The following AGBL4 variants were observed in gnomAD, a reference collection of about 807,000 sequenced individuals.
AGBL4 encodes the protein cytosolic carboxypeptidase 6.
In AGBL4, 58 loss-of-function variants were observed where a neutral mutation model predicts 66.4. The ratio of observed to expected loss-of-function variants is 0.87; its 90% CI spans 0.71 to 1.09. AGBL4 has a LOEUF of 1.09. AGBL4 is among the 50% of genes least tolerant of loss of function. AGBL4 has a pLI of 0.00. For synonymous variants in AGBL4, 234 were observed against 222.9 expected, an observed-to-expected ratio of 1.05 and a Z score of -0.44; for missense variants, 579 against 631.0, an observed-to-expected ratio of 0.92 and a Z score of 0.88.
At chr1:49,842,000 C>T in intron 2 of AGBL4, 3 of 461,236 alleles carry the variant, frequency 6.5e-6, no homozygotes, top group East Asian at 5.1e-5. Flanking sequence ...TCCTCACACC[C>T]GGCCTCCTCT....
chr1:49,378,386 A>G (rs1004715492), intron 3 of AGBL4, among the ~76,000 whole-genome samples: 5 of 152,118 alleles, frequency 3.3e-5, no homozygotes, highest in Non-Finnish European at 5.9e-5. Context: ...TCTAAAAAGT[A>G]TAAATAATAG....
At chr1:49,574,675 G>T (rs1218867380) in intron 3 of AGBL4, among the ~76,000 whole-genome samples, 2 of 152,008 alleles carry the variant, frequency 1.3e-5, no homozygotes, top group Admixed American at 6.6e-5. Context: ...AATACAATGG[G>T]AATAATTGGA....
intron 3 of AGBL4, among the ~76,000 whole-genome samples, chr1:49,283,159 C>T (rs1028586666): frequency 2.2e-4 from 34 of 152,322 alleles, no homozygotes; most frequent in East Asian, 3.9e-4. Flanking sequence ...TCTCCCAGCA[C>T]GCAGCTGGAG....
intron 5 of AGBL4, among the ~76,000 whole-genome samples, chr1:49,017,524 G>C (rs1662909174): frequency 1.3e-5 from 2 of 152,044 alleles, no homozygotes; most frequent in African/African-American, 4.8e-5. Context: ...ATAATTTTGA[G>C]CCCCTGAATA....
At chr1:49,494,380 T>G (rs1452276644) in intron 3 of AGBL4, among the ~76,000 whole-genome samples, 1 of 151,952 alleles carries the variant, frequency 6.6e-6, no homozygotes, top group African/African-American at 2.4e-5. Context: ...ACCCACTAAC[T>G]CGTCATCTAG....
chr1:48,678,898 A>G (rs917107380), intron 6 of AGBL4, among the ~76,000 whole-genome samples: 3 of 152,202 alleles, frequency 2.0e-5, no homozygotes, highest in Admixed American at 2.0e-4. Flanking sequence ...ATTAACACAC[A>G]TTTCCTACCT....
chr1:49,427,400 G>C (rs976101224), intron 3 of AGBL4, among the ~76,000 whole-genome samples: 3 of 151,166 alleles, frequency 2.0e-5, no homozygotes, highest in African/African-American at 7.3e-5. Context: ...GAAGGGTAAA[G>C]CTTGGAATAC....
chr1:49,451,612 C>G (rs1421121947), intron 3 of AGBL4, among the ~76,000 whole-genome samples: 1 of 151,886 alleles, frequency 6.6e-6, no homozygotes, highest in South Asian at 2.1e-4. Flanking sequence ...TTTTGACCAC[C>G]CCACCTGCAA....
At chr1:48,902,201 G>C (rs1237819710) in intron 5 of AGBL4, among the ~76,000 whole-genome samples, 1 of 152,136 alleles carries the variant, frequency 6.6e-6, no homozygotes, top group Non-Finnish European at 1.5e-5. Context: ...TTTCTTCAGT[G>C]TATACATATG....
At chr1:49,680,032 C>T (rs1250886993) in intron 3 of AGBL4, among the ~76,000 whole-genome samples, 3 of 137,374 alleles carry the variant, frequency 2.2e-5, no homozygotes, top group Admixed American at 7.3e-5. Context: ...CCAAGATTTT[C>T]TTCTTCTTCT....
At chr1:49,282,556 C>A (rs1644298352) in intron 3 of AGBL4, among the ~76,000 whole-genome samples, 1 of 152,194 alleles carries the variant, frequency 6.6e-6, no homozygotes, top group Admixed American at 6.5e-5. Context: ...GTCTACAGCT[C>A]CCAGCGTGAG....
chr1:49,223,686 G>A (rs1032489144), intron 4 of AGBL4, among the ~76,000 whole-genome samples: 2 of 152,160 alleles, frequency 1.3e-5, no homozygotes, highest in Admixed American at 1.3e-4. Context: ...CAGGTTGCAT[G>A]CCCTTGAAAA....
intron 1 of AGBL4, among the ~76,000 whole-genome samples, chr1:49,971,955 T>C (rs1241812869): frequency 2.5e-5 from 3 of 122,136 alleles, no homozygotes; most frequent in Non-Finnish European, 3.3e-5. Context: ...TCTCGCTCTG[T>C]CACCCAGGCT....
At chr1:49,692,664 G>A (rs1188210078) in intron 3 of AGBL4, among the ~76,000 whole-genome samples, 2 of 150,746 alleles carry the variant, frequency 1.3e-5, no homozygotes, top group Non-Finnish European at 2.9e-5. Context: ...CTTGCAGTGA[G>A]CCAAGATCGC....
rs544968927 is a variant in AGBL4, at chr1:48,928,595, G to GA, written c.595-61366dup. Among the ~76,000 whole-genome samples the GA allele has an allele frequency of 1.4e-4, 22 of 152,150 alleles. No homozygotes were observed. In the South Asian group the frequency reaches 2.5e-3, roughly 17 times the overall value. On this transcript the variant is annotated intron_variant, in intron 5 of 13. Transcript: ENST00000371839. The stretch of plus-strand genomic sequence containing the variant: ...TTAAAGGGGTGGAGAAGCAGGGGAG[G>GA]ACTGGACTTGGCATCCAAAGGACTT...
rs148026741 is a variant in AGBL4, at chr1:49,595,100, T to C, written c.282+102213A>G. Among the ~76,000 whole-genome samples the C allele has an allele frequency of 3.4e-3, 514 of 152,210 alleles. 1 individual carries two copies. Among genetic ancestry groups the C allele is most frequent in the African/African-American group, 0.012 (484 of 41,556 alleles). On this transcript the variant is annotated intron_variant, in intron 3 of 13. Coordinates refer to ENST00000371839, the MANE Select transcript of AGBL4 (RefSeq NM_032785.4). The stretch of plus-strand genomic sequence containing the variant: ...AGATGGTATCTCATTGTGGTTTTAT[T>C]TTTTTCTTGAGATGGAGTCTCGCTG...
intron 6 of AGBL4, among the ~76,000 whole-genome samples, chr1:48,709,411 C>A (rs1307795625): frequency 1.3e-5 from 2 of 152,154 alleles, no homozygotes; most frequent in African/African-American, 2.4e-5. Context: ...CACACCTACA[C>A]ACCGAATAGA....
intron 1 of AGBL4, among the ~76,000 whole-genome samples, chr1:49,928,925 T>C (rs1022915646): frequency 6.6e-6 from 1 of 151,960 alleles, no homozygotes. Context: ...CAGCTGACCA[T>C]CAATTATGGA....
At position 49,662,375 on chromosome 1, in the gene AGBL4, C is replaced by T. The variant is rs1433438288; in HGVS notation, c.282+34938G>A. Among the ~76,000 whole-genome samples the T allele has an allele frequency of 1.3e-5, 2 of 151,760 alleles. 1 individual carries two copies. The highest frequency in any genetic ancestry group is 2.9e-5 in the Non-Finnish European group (2 of 67,956). On this transcript the variant is annotated intron_variant, in intron 3 of 13. Coordinates refer to ENST00000371839, the MANE Select transcript of AGBL4 (RefSeq NM_032785.4). The stretch of plus-strand genomic sequence containing the variant: ...CTTCCACTCAGCCTTTTCCAATTTC[C>T]CTCAAAAATAGTTTAAAAGACAAAA...
Sources: allele counts gnomAD v4.1 joint callset (sites outside exome capture counted in the v4.1 genomes callset), GRCh38; gene constraint gnomAD v4.1.1; transcripts MANE v1.5; gene names NCBI Gene and HGNC (gene_info 2026-07-23, HGNC 2026-07-21).